FRAS1: variants seen among roughly 807,000 people sequenced by gnomAD.
FRAS1 encodes Fraser extracellular matrix complex subunit 1.
FRAS1 carries 290 observed loss-of-function variants against 435.2 expected under a neutral mutation model. That is an observed-to-expected ratio of 0.67 (90% CI 0.61 to 0.73). FRAS1 has a LOEUF of 0.73. FRAS1 is among the 30% of genes least tolerant of loss of function. FRAS1 has a pLI of 0.00. For synonymous variants in FRAS1, 1,800 were observed against 1,851.0 expected, an observed-to-expected ratio of 0.97 and a Z score of 0.71; for missense variants, 4,860 against 5,001.5, an observed-to-expected ratio of 0.97 and a Z score of 0.85.
chr4:78,395,930 C>G (rs1010647585), intron 29 of FRAS1, among the ~76,000 whole-genome samples: 7 of 152,000 alleles, frequency 4.6e-5, no homozygotes, highest in East Asian at 3.9e-4. Context: ...GTCTTCCTTT[C>G]TGTCTCTCTT....
At chr4:78,121,776 G>A (rs753061506) in intron 2 of FRAS1, among the ~76,000 whole-genome samples, 1 of 152,158 alleles carries the variant, frequency 6.6e-6, no homozygotes, top group African/African-American at 2.4e-5. Context: ...AGACTTGGCT[G>A]TTTCTTTTTG....
rs758721375 is a variant in FRAS1, at chr4:78,430,412, C to T, written c.4964C>T (p.Ala1655Val). 6.2e-7 allele frequency: 1 copy of T among 1,612,766 alleles called. No homozygotes were observed. Among genetic ancestry groups the T allele is most frequent in the Non-Finnish European group, 8.5e-7 (1 of 1,179,386 alleles). Residue 1655 changes from alanine (A) to valine (V), a missense_variant, in exon 37 of 74, where the codon GCC becomes GTC. Coordinates refer to ENST00000512123, the MANE Select transcript of FRAS1 (RefSeq NM_025074.7). ...ACAGCTGAGTTCCGAAGGCCGATGG[C>T]CACAGGTAGCTACACACCTACACAC... Reference protein sequence around the residue: ...KHTAEFRRPMATGDTFTYEDV... With the variant: ...KHTAEFRRPMVTGDTFTYEDV...
rs1720881129 is a variant in FRAS1 at position 78,507,545 on chromosome 4, T to G, written c.9441T>G (p.Thr3147=). ...PVEAVLGDVT[T]ATVTILDQEA... ...AAGCAGTTCTTGGGGATGTGACTACTGCCACGGTGACAATTCTAGACCAGG... is the reference window on the plus strand; with the variant it reads ...AAGCAGTTCTTGGGGATGTGACTACGGCCACGGTGACAATTCTAGACCAGG... Residue 3147 remains threonine (T), a synonymous_variant, in exon 62 of 74, where the codon ACT becomes ACG. Coordinates refer to ENST00000512123, the MANE Select transcript of FRAS1 (RefSeq NM_025074.7). The G allele has an allele frequency of 6.2e-7, 1 of 1,611,990 alleles. No individual in the cohort carries two copies. Among genetic ancestry groups the G allele is most frequent in the Non-Finnish European group, 8.5e-7 (1 of 1,179,168 alleles).
At chr4:78,514,644 C>T (rs1721147978) in intron 65 of FRAS1, among the ~76,000 whole-genome samples, 1 of 152,180 alleles carries the variant, frequency 6.6e-6, no homozygotes, top group African/African-American at 2.4e-5. Flanking sequence ...TGCTTAAAAG[C>T]AATTAAATTC....
At chr4:78,447,002 G>A (rs1435693993) in intron 43 of FRAS1, 122 bp downstream of exon 43, 6 of 985,850 alleles carry the variant, frequency 6.1e-6, no homozygotes, top group Non-Finnish European at 8.6e-6. Flanking sequence ...TTGCATCAAA[G>A]TGTAATCAAA....
intron 20 of FRAS1, among the ~76,000 whole-genome samples, chr4:78,344,586 AT>A (rs112149675): frequency 0.037 from 5,200 of 141,406 alleles, 134 homozygotes; most frequent in Middle Eastern, 0.078. Context: ...CTCAAGAATG[AT>A]TTTTTTTTTT....
intron 4 of FRAS1, among the ~76,000 whole-genome samples, chr4:78,245,644 G>A (rs934082749): frequency 3.9e-5 from 6 of 152,142 alleles, no homozygotes; most frequent in Non-Finnish European, 5.9e-5. Flanking sequence ...AAACAATCCT[G>A]AGCTGGTGAG....
At chr4:78,366,399 A>T (rs12641245) in intron 22 of FRAS1, among the ~76,000 whole-genome samples, 25,320 of 152,100 alleles carry the variant, frequency 0.17, 2,684 homozygotes, top group East Asian at 0.33. Context: ...GAGCTAGAGT[A>T]GTTGGAAAGT....
At chr4:78,075,106 A>G (rs1740570746) in intron 2 of FRAS1, among the ~76,000 whole-genome samples, 3 of 152,218 alleles carry the variant, frequency 2.0e-5, no homozygotes, top group Admixed American at 2.0e-4. Flanking sequence ...TACCAGTTAG[A>G]TAAATCATGC....
At chr4:78,127,634 TACAAACAAACAA>T (rs143852196) in intron 2 of FRAS1, among the ~76,000 whole-genome samples, 5 of 151,438 alleles carry the variant, frequency 3.3e-5, no homozygotes, top group Non-Finnish European at 7.4e-5. Context: ...TGATACCATT[TACAAACAAACAA>T]ACAAACAAAC....
chr4:78,445,396 C>A, intron 41 of FRAS1, 126 bp from the exon 42 acceptor site: 1 of 1,287,214 alleles, frequency 7.8e-7, no homozygotes. Flanking sequence ...TTATCCCACT[C>A]TCCCAACTTT....
rs750225416 is a variant in FRAS1 at position 78,448,069 on chromosome 4, G to A, written c.6027G>A (p.Arg2009=). The A allele has an allele frequency of 1.9e-6, 3 of 1,610,098 alleles. No homozygotes were observed. The highest frequency in any genetic ancestry group is 3.3e-5 in the Admixed American group (2 of 59,734). The change falls in exon 44 of 74, where the codon AGG becomes AGA. Residue 2009 remains arginine (R), a synonymous_variant. Coordinates refer to ENST00000512123, the MANE Select transcript of FRAS1 (RefSeq NM_025074.7). The part of the protein sequence containing the change: ...KKPDHGHVLW[R]QTASEPLENG... ...TTCCCTCAGGTCATGTACTCTGGAG[G>A]CAAACTGCTTCTGAGCCTCTGGAGA...
In FRAS1 at chr4:78,169,733, A is replaced by T. The variant is rs532769810; in HGVS notation, c.109-67777A>T. Among the ~76,000 whole-genome samples, 9 of 151,842 alleles carry T rather than the reference A, an allele frequency of 5.9e-5. No individual in the cohort carries two copies. In the South Asian group the frequency reaches 8.3e-4, roughly 14 times the overall value. On this transcript the variant is annotated intron_variant, in intron 2 of 73. Transcript: ENST00000512123. ...ATTTTTCAATGCAGTAGTAATTGTT[A>T]TATTAGCGTCAAATGTTTTCTTCAG...
chr4:78,379,758 G>T lies in FRAS1; in HGVS notation c.3325G>T (p.Gly1109Cys). The part of the protein sequence containing the change: ...KIHTPSLHVN[G>C]SLILPIGSIK... ...ACACACCCCTAGTCTTCATGTGAAT[G>T]GTTCCCTGATCCTCCCAATTGGTTC... Residue 1109 changes from glycine (G) to cysteine (C), a missense_variant, in exon 27 of 74, where the codon GGT becomes TGT. Transcript: ENST00000512123. 3.7e-6 allele frequency: 6 copies of T among 1,613,594 alleles called. No homozygotes were observed. The highest frequency in any genetic ancestry group is 4.2e-6 in the Non-Finnish European group (5 of 1,179,770).
chr4:78,495,643 C>A (rs1720490519), intron 59 of FRAS1, among the ~76,000 whole-genome samples: 1 of 152,124 alleles, frequency 6.6e-6, no homozygotes, highest in South Asian at 2.1e-4. Context: ...AGAGAATTCT[C>A]TGCTTATCCA....
At chr4:78,424,504 T>A (rs1365920302) in intron 35 of FRAS1, 84 bp downstream of exon 35, 2 of 590,852 alleles carry the variant, frequency 3.4e-6, no homozygotes, top group Non-Finnish European at 5.6e-6. Context: ...TCATCATTAT[T>A]TTTAGCTATT....
chr4:78,391,958 A>T (rs1732462239), intron 29 of FRAS1, among the ~76,000 whole-genome samples: 1 of 151,636 alleles, frequency 6.6e-6, no homozygotes. Flanking sequence ...TAAATAACTA[A>T]ATCCTTGCCA....
intron 2 of FRAS1, among the ~76,000 whole-genome samples, chr4:78,155,970 A>G (rs961950845): frequency 6.6e-6 from 1 of 152,160 alleles, no homozygotes; most frequent in African/African-American, 2.4e-5. Context: ...AAAAATACAC[A>G]AAAACCGCAA....
At chr4:78,184,043 A>G (rs745475685) in intron 2 of FRAS1, among the ~76,000 whole-genome samples, 4 of 152,178 alleles carry the variant, frequency 2.6e-5, no homozygotes, top group African/African-American at 9.7e-5. Context: ...AGCCCCACTC[A>G]GAGCCACCTA....
Sources: allele counts gnomAD v4.1 joint callset (sites outside exome capture counted in the v4.1 genomes callset), GRCh38; gene constraint gnomAD v4.1.1; transcripts MANE v1.5; gene names NCBI Gene and HGNC (gene_info 2026-07-23, HGNC 2026-07-21).